Variants in NRXN3 observed in about 807,000 individuals in gnomAD.
The protein encoded by NRXN3 is neurexin III.
Under a neutral mutation model 137.6 loss-of-function variants are expected in NRXN3, and 32 were observed. The observed-to-expected ratio is 0.23, with a 90% CI of 0.18 to 0.31. The LOEUF (loss-of-function observed/expected upper bound fraction) is 0.31. Ranked by LOEUF, NRXN3 falls within the 10% of genes least tolerant of loss-of-function variation. NRXN3 has a pLI of 1.00. For missense variants in NRXN3, 1,574 were observed against 2,062.5 expected (o/e 0.76, Z 4.59); for synonymous variants, 798 against 784.5 (o/e 1.02, Z -0.29).
At chr14:79,488,893 G>A (rs774669169) in intron 16 of NRXN3, among the ~76,000 whole-genome samples, 6 of 152,030 alleles carry the variant, frequency 3.9e-5, no homozygotes, top group Admixed American at 1.3e-4. Context: ...TCTTGATCTC[G>A]GAGTCAGAAC....
intron 4 of NRXN3, among the ~76,000 whole-genome samples, chr14:78,334,175 C>T (rs1329716203): frequency 1.3e-5 from 2 of 152,058 alleles, no homozygotes; most frequent in African/African-American, 4.8e-5. Context: ...TCTGAGATGC[C>T]AGATTTGGGT....
intron 20 of NRXN3, among the ~76,000 whole-genome samples, chr14:79,825,331 T>C (rs1055989136): frequency 1.1e-4 from 16 of 152,086 alleles, no homozygotes; most frequent in African/African-American, 3.9e-4. Flanking sequence ...ACCCTATCAG[T>C]TGTCATTCAT....
At chr14:79,675,973 C>G (rs182430220) in intron 17 of NRXN3, among the ~76,000 whole-genome samples, 15 of 152,190 alleles carry the variant, frequency 9.9e-5, no homozygotes, top group African/African-American at 3.6e-4. Flanking sequence ...TCTCATAGCC[C>G]TTATGCATAA....
chr14:79,375,296 C>T (rs1440757185), intron 15 of NRXN3, among the ~76,000 whole-genome samples: 1 of 148,854 alleles, frequency 6.7e-6, no homozygotes, highest in East Asian at 2.0e-4. Context: ...CCCACCCCCT[C>T]CCACACATAT....
chr14:79,198,550 T>C (rs1403036135), intron 15 of NRXN3, among the ~76,000 whole-genome samples: 1 of 152,206 alleles, frequency 6.6e-6, no homozygotes, highest in African/African-American at 2.4e-5. Flanking sequence ...TTACTCTTAA[T>C]GCTAAAGGGA....
chr14:78,843,415 A>G (rs960274042), intron 10 of NRXN3, among the ~76,000 whole-genome samples: 1 of 152,144 alleles, frequency 6.6e-6, no homozygotes, highest in Non-Finnish European at 1.5e-5. Context: ...GGCTCCATGT[A>G]TAGCAATGTT....
chr14:78,425,901 T>C (rs2093646274), intron 4 of NRXN3, among the ~76,000 whole-genome samples: 1 of 152,164 alleles, frequency 6.6e-6, no homozygotes, highest in Admixed American at 6.5e-5. Context: ...TGGCCCGTAG[T>C]CAAGGCCCAA....
intron 16 of NRXN3, among the ~76,000 whole-genome samples, chr14:79,568,027 G>T (rs1212695077): frequency 1.3e-5 from 2 of 152,154 alleles, no homozygotes; most frequent in Admixed American, 1.3e-4. Flanking sequence ...TGTTTTGGGT[G>T]CTAGAGCATG....
At chr14:79,063,820 A>T (rs2099677289) in intron 15 of NRXN3, among the ~76,000 whole-genome samples, 1 of 152,190 alleles carries the variant, frequency 6.6e-6, no homozygotes, top group South Asian at 2.1e-4. Flanking sequence ...AAAGAACCAA[A>T]TAAAATTGTT....
At chr14:79,084,564 C>T (rs1359902626) in intron 15 of NRXN3, among the ~76,000 whole-genome samples, 1 of 152,164 alleles carries the variant, frequency 6.6e-6, no homozygotes, top group East Asian at 1.9e-4. Flanking sequence ...TTCCTGGCAT[C>T]TGTAATCATC....
chr14:79,145,858 A>G (rs2153012447), intron 15 of NRXN3, among the ~76,000 whole-genome samples: 1 of 152,324 alleles, frequency 6.6e-6, no homozygotes, highest in East Asian at 1.9e-4. Context: ...GAGGAAAGAC[A>G]TCCAAGATTT....
chr14:78,656,941 A>G (rs2097789155), intron 6 of NRXN3, among the ~76,000 whole-genome samples: 1 of 146,132 alleles, frequency 6.8e-6, no homozygotes, highest in African/African-American at 2.5e-5. Flanking sequence ...CAGCTACTTG[A>G]GAGGCTGAGG....
intron 4 of NRXN3, among the ~76,000 whole-genome samples, chr14:78,318,051 C>A (rs1387981865): frequency 2.0e-5 from 3 of 152,124 alleles, no homozygotes; most frequent in Admixed American, 2.0e-4. Flanking sequence ...AAACCAAACC[C>A]AACTAGGTTC....
chr14:78,492,108 C>T (rs1162657903), intron 4 of NRXN3, among the ~76,000 whole-genome samples: 1 of 152,112 alleles, frequency 6.6e-6, no homozygotes, highest in African/African-American at 2.4e-5. Flanking sequence ...TGTTTTATCT[C>T]TATGATTAAA....
chr14:78,457,707 G>A (rs1054821616), intron 4 of NRXN3, among the ~76,000 whole-genome samples: 4 of 152,098 alleles, frequency 2.6e-5, no homozygotes, highest in African/African-American at 9.7e-5. Flanking sequence ...TGTATATGGT[G>A]TATACAGATA....
At chr14:78,596,104 T>G (rs576262140) in intron 4 of NRXN3, among the ~76,000 whole-genome samples, 18 of 152,324 alleles carry the variant, frequency 1.2e-4, no homozygotes, top group African/African-American at 4.1e-4. Context: ...GTGCTGAGGT[T>G]GAGAAACCTT....
At chr14:79,375,647 A>G (rs1351755691) in intron 15 of NRXN3, among the ~76,000 whole-genome samples, 2 of 152,094 alleles carry the variant, frequency 1.3e-5, no homozygotes, top group African/African-American at 2.4e-5. Flanking sequence ...CTGGAGAAAA[A>G]TACTGCTTAA....
chr14:79,028,963 A>G (rs1233584745), intron 15 of NRXN3, among the ~76,000 whole-genome samples: 1 of 152,100 alleles, frequency 6.6e-6, no homozygotes, highest in Non-Finnish European at 1.5e-5. Context: ...GGATGAGGCT[A>G]TGCTCAGCCA....
intron 19 of NRXN3, among the ~76,000 whole-genome samples, chr14:79,699,422 C>T (rs1353890047): frequency 6.6e-6 from 1 of 151,994 alleles, no homozygotes; most frequent in Non-Finnish European, 1.5e-5. Flanking sequence ...AGCAGAGAAG[C>T]AAATGGCTTT....
Sources: gnomAD v4.1 joint callset for allele counts (sites outside exome capture counted in the v4.1 genomes callset) on GRCh38, gnomAD v4.1.1 for gene constraint, MANE v1.5 for transcripts, NCBI Gene and HGNC (gene_info 2026-07-23, HGNC 2026-07-21) for gene names.